MITD1: variants seen among roughly 807,000 people sequenced by gnomAD.
MITD1 encodes microtubule interacting and trafficking domain containing 1.
Under a neutral mutation model 34.9 loss-of-function variants are expected in MITD1, and 24 were observed. The observed-to-expected ratio is 0.69, with a 90% confidence interval of 0.50 to 0.97. The LOEUF is 0.97. Ranked by LOEUF, MITD1 falls within the 50% of genes least tolerant of loss-of-function variation. The probability of loss-of-function intolerance (pLI) is 0.00; values close to 1 mark genes in which losing one functional copy is unlikely to be tolerated. For synonymous variants in MITD1, 102 were observed against 101.4 expected, an observed-to-expected ratio of 1.01 and a Z score of -0.04; for missense variants, 266 against 294.6, an observed-to-expected ratio of 0.90 and a Z score of 0.71.
chr2:99,164,010 T>C (rs1435581316), intron 7 of MITD1, among the ~76,000 whole-genome samples: 1 of 152,186 alleles, frequency 6.6e-6, no homozygotes, highest in East Asian at 1.9e-4. Context: ...ATAGCCACTT[T>C]TTAATTTTAG....
intron 1 of MITD1, 52 bp downstream of exon 1, chr2:99,180,779 C>T: frequency 6.7e-7 from 1 of 1,493,080 alleles, no homozygotes; most frequent in Non-Finnish European, 9.3e-7. Context: ...CCAGACACAG[C>T]AGGAACCAGC....
chr2:99,180,900 C>G lies in MITD1; in HGVS notation c.82G>C (p.Glu28Gln), dbSNP rs1270364389. ...VLKRAVELDS[E>Q]SRYPQALVCY... ...ACCAGAGCCTGCGGATACCGCGACTCCGAATCTAGTTCTACTGCCCGCTTT... is the reference window on the plus strand; with the variant it reads ...ACCAGAGCCTGCGGATACCGCGACTGCGAATCTAGTTCTACTGCCCGCTTT... Residue 28 changes from glutamate (E) to glutamine (Q), a missense_variant, in exon 1 of 7, where the codon GAG (glutamate) becomes CAG (glutamine). By Grantham distance (29) the Glu-to-Gln change is conservative. Transcript: ENST00000289359. 1.9e-6 allele frequency: 3 copies of G among 1,614,242 alleles called. No homozygotes were observed. Among genetic ancestry groups the G allele is most frequent in the East Asian group, 2.2e-5 (1 of 44,890 alleles).
chr2:99,175,047 C>T (rs2093879826), intron 1 of MITD1, among the ~76,000 whole-genome samples: 1 of 152,214 alleles, frequency 6.6e-6, no homozygotes, highest in Non-Finnish European at 1.5e-5. Flanking sequence ...TTTAATCTCT[C>T]ATTTTAAAAA....
chr2:99,180,722 G>T, intron 1 of MITD1, 109 bp downstream of exon 1: 1 of 935,380 alleles, frequency 1.1e-6, no homozygotes, highest in Admixed American at 2.0e-5. Context: ...GTATTTAACT[G>T]CTTCTTCGTG....
downstream of MITD1, among the ~76,000 whole-genome samples, chr2:99,167,197 A>G (rs960789483): frequency 6.6e-6 from 1 of 152,090 alleles, no homozygotes; most frequent in Non-Finnish European, 1.5e-5. Context: ...CTATGTCTTT[A>G]TAGCTGGTCA....
At chr2:99,178,667 T>C (rs2093899750) in intron 1 of MITD1, among the ~76,000 whole-genome samples, 2 of 152,120 alleles carry the variant, frequency 1.3e-5, no homozygotes, top group South Asian at 4.1e-4. Context: ...AGGCCTGAAA[T>C]AGGAGAGAGA....
At chr2:99,173,665 C>G (rs562074345) in intron 2 of MITD1, 26 of 526,560 alleles carry the variant, frequency 4.9e-5, no homozygotes, top group Non-Finnish European at 8.2e-5. Flanking sequence ...GTAAGTATAG[C>G]TTTCATGAGA....
At chr2:99,163,158 C>A (rs2093810500) in intron 7 of MITD1, 2 of 962,074 alleles carry the variant, frequency 2.1e-6, no homozygotes, top group African/African-American at 1.6e-5. Flanking sequence ...CAAAAAAAAA[C>A]CTAGTCTCTT....
chr2:99,176,335 C>CTT lies in MITD1; in HGVS notation c.152-2321_152-2320dup, dbSNP rs34969455. Among the ~76,000 whole-genome samples, 149 of 143,670 alleles carry CTT rather than the reference C, an allele frequency of 1.0e-3. 2 individuals carry two copies. Among genetic ancestry groups the CTT allele is most frequent in the South Asian group, 2.0e-3 (9 of 4,500 alleles). 94.3% of individuals were successfully genotyped at this position (143,670 alleles called of 152,430 possible). On this transcript the variant is annotated intron_variant, in intron 1 of 6. Coordinates refer to ENST00000289359, the MANE Select transcript of MITD1 (RefSeq NM_138798.3). The stretch of plus-strand genomic sequence containing the variant: ...ATGAGGCCCAACACAAATTCATAAA[C>CTT]TTTTTTTTTTTTTTTGAGACGGAGT...
chr2:99,169,626 T>A lies in MITD1; in HGVS notation c.594-16A>T. 1 of 1,558,338 alleles carries A rather than the reference T, an allele frequency of 6.4e-7. No homozygotes were observed. The highest frequency in any genetic ancestry group is 8.9e-7 in the Non-Finnish European group (1 of 1,129,666). ...ATTGTTGAACCTGTTGAAATTAGTATATAGTATTATATTCAAGACATTTAA... is the reference window on the plus strand; with the variant it reads ...ATTGTTGAACCTGTTGAAATTAGTAAATAGTATTATATTCAAGACATTTAA... On this transcript the variant is annotated splice_polypyrimidine_tract_variant and intron_variant, in intron 5 of 6. Transcript: ENST00000289359.
rs1311844087 is a variant in MITD1 at position 99,170,520 on chromosome 2, CATT to C, written c.593+14_593+16del. ...TATATCAACTGCATAAAAATTAAAA[CATT>C]ATTGTAGACTAACCTAATTTCTCGG... On this transcript the variant is annotated intron_variant, in intron 5 of 6. Transcript: ENST00000289359. The C allele has an allele frequency of 8.5e-7, 1 of 1,171,780 alleles. No homozygotes were observed. The highest frequency in any genetic ancestry group is 1.2e-6 in the Non-Finnish European group (1 of 817,262). 72.6% of individuals were successfully genotyped at this position (1,171,780 alleles called of 1,614,324 possible).
downstream of MITD1, chr2:99,161,805 T>C: frequency 5.3e-6 from 3 of 566,660 alleles, no homozygotes; most frequent in Non-Finnish European, 9.3e-6. Flanking sequence ...GGTTATAGCA[T>C]TGCTAAAGAC....
chr2:99,171,300 GA>G, intron 4 of MITD1, 42 bp downstream of exon 4: 6 of 1,429,976 alleles, frequency 4.2e-6, no homozygotes, highest in Non-Finnish European at 5.9e-6. Flanking sequence ...TCTTGTAACT[GA>G]ATAAAGTTAA....
In MITD1 at chr2:99,180,898, C is replaced by T. The variant is rs751387580; in HGVS notation, c.84G>A (p.Glu28=). 1.9e-6 allele frequency: 3 copies of T among 1,614,224 alleles called. No homozygotes were observed. Among genetic ancestry groups the T allele is most frequent in the Non-Finnish European group, 2.5e-6 (3 of 1,180,046 alleles). Reference sequence around the variant, plus strand: ...ACACCAGAGCCTGCGGATACCGCGACTCCGAATCTAGTTCTACTGCCCGCT... The same window carrying T: ...ACACCAGAGCCTGCGGATACCGCGATTCCGAATCTAGTTCTACTGCCCGCT... The part of the protein sequence containing the change: ...VLKRAVELDS[E]SRYPQALVCY... The change falls in exon 1 of 7, where the codon GAG becomes GAA. Residue 28 remains glutamate (E), a synonymous_variant. Transcript: ENST00000289359.
intron 7 of MITD1, chr2:99,162,410 AT>A (rs769677246): frequency 6.2e-7 from 1 of 1,614,026 alleles, no homozygotes. Context: ...CTACCAAAAG[AT>A]TTGACCTTTT....
chr2:99,169,942 A>G (rs1411366895), intron 5 of MITD1, among the ~76,000 whole-genome samples: 1 of 152,236 alleles, frequency 6.6e-6, no homozygotes, highest in Admixed American at 6.5e-5. Context: ...GAGATGGGGA[A>G]TGTGCAGGAG....
chr2:99,162,313 CA>C (rs2093800559), intron 7 of MITD1: 1 of 1,612,126 alleles, frequency 6.2e-7, no homozygotes, highest in Non-Finnish European at 8.5e-7. Context: ...ACTTTCTTTA[CA>C]ACCAAAAAAA....
chr2:99,170,898 G>A, intron 4 of MITD1: 1 of 298,306 alleles, frequency 3.4e-6, no homozygotes. Flanking sequence ...GTTTAGAATA[G>A]TTTTAATCAT....
chr2:99,177,630 T>C lies in MITD1; in HGVS notation c.151+3201A>G, dbSNP rs192083533. On this transcript the variant is annotated intron_variant, in intron 1 of 6. Transcript: ENST00000289359. ...CACATTATTAACTCTAGTCACCCTA[T>C]TGTGTAATAAGACACCAGAATTTAT... is the stretch of plus-strand genomic sequence containing the variant. Among the ~76,000 whole-genome samples the C allele has an allele frequency of 2.3e-3, 347 of 152,276 alleles. 1 individual carries two copies. The highest frequency in any genetic ancestry group is 7.2e-3 in the African/African-American group (299 of 41,556).
Sources: gnomAD v4.1 joint callset for allele counts (sites outside exome capture counted in the v4.1 genomes callset) on GRCh38, gnomAD v4.1.1 for gene constraint, MANE v1.5 for transcripts, NCBI Gene and HGNC (gene_info 2026-07-23, HGNC 2026-07-21) for gene names.